Variants in PHEX observed in about 807,000 individuals in gnomAD.
PHEX encodes the protein phosphate regulating endopeptidase X-linked, also known as phosphate-regulating neutral endopeptidase PHEX.
Under a neutral mutation model 68.0 loss-of-function variants are expected in PHEX, and 16 were observed. The ratio of observed to expected loss-of-function variants is 0.24; its 90% CI spans 0.16 to 0.36. The LOEUF is 0.36. Ranked by LOEUF, PHEX falls within the 10% of genes least tolerant of loss-of-function variation. The pLI is 1.00. For missense variants in PHEX, 480 were observed against 575.5 expected (o/e 0.83, Z 1.70); for synonymous variants, 208 against 205.1 (o/e 1.01, Z -0.12).
At chrX:22,162,023 A>AT (rs1212167956) in intron 12 of PHEX, among the ~76,000 whole-genome samples, 19 of 111,945 alleles carry the variant, frequency 1.7e-4, no homozygotes, top group African/African-American at 6.2e-4. Context: ...AAAGGAACAG[A>AT]TAAGAGAAAG....
chrX:22,236,977 A>G (rs1936004423), intron 20 of PHEX, among the ~76,000 whole-genome samples: 1 of 112,498 alleles, frequency 8.9e-6, no homozygotes, highest in African/African-American at 3.2e-5. Flanking sequence ...TTTAGGGGGG[A>G]AAAGTGGAAA....
chrX:22,096,226 A>G (rs1259057759), intron 7 of PHEX, among the ~76,000 whole-genome samples: 1 of 112,510 alleles, frequency 8.9e-6, no homozygotes, highest in Non-Finnish European at 1.9e-5. Flanking sequence ...GGTCAATGGA[A>G]GTGATTAAGA....
chrX:22,247,863 A>C lies in PHEX; in HGVS notation c.2160A>C (p.Ala720=), dbSNP rs1302741330. 2.5e-6 allele frequency: 3 copies of C among 1,200,557 alleles called. No homozygotes were observed. The South Asian group carries it at 5.3e-5, about 21-fold the overall frequency. ...HSPPQFRVNG[A]ISNFEEFQKA... is the part of the protein sequence containing the mutation. ...TATCGTTTTTCAGGGTCAATGGTGC[A>C]ATTAGTAACTTTGAAGAATTCCAGA... The change falls in exon 22 of 22, where the codon GCA becomes GCC. Residue 720 remains alanine, a synonymous_variant. Transcript: ENST00000379374.
intron 1 of PHEX, among the ~76,000 whole-genome samples, chrX:22,035,844 T>A (rs1470140604): frequency 9.2e-6 from 1 of 109,048 alleles, no homozygotes; most frequent in Non-Finnish European, 1.9e-5. Context: ...ATTAAAAATA[T>A]TTTCTTTATT....
At chrX:22,063,499 C>T (rs1211104296) in intron 3 of PHEX, among the ~76,000 whole-genome samples, 1 of 112,019 alleles carries the variant, frequency 8.9e-6, no homozygotes, top group Non-Finnish European at 1.9e-5. Flanking sequence ...CAGAATGAGA[C>T]AAGTCTAGTG....
At chrX:22,054,742 A>G (rs1267134508) in intron 3 of PHEX, among the ~76,000 whole-genome samples, 1 of 111,629 alleles carries the variant, frequency 9.0e-6, no homozygotes, top group Admixed American at 9.6e-5. Context: ...TTGGGCCTGT[A>G]TTGAAGACTT....
At chrX:22,114,165 G>A (rs1931125310) in intron 10 of PHEX, among the ~76,000 whole-genome samples, 1 of 109,299 alleles carries the variant, frequency 9.1e-6, no homozygotes, top group Admixed American at 9.8e-5. Flanking sequence ...GGCCAGGCTG[G>A]TCTCGAGCTC....
chrX:22,068,000 T>A (rs760644918), intron 3 of PHEX, among the ~76,000 whole-genome samples: 124 of 107,180 alleles, frequency 1.2e-3, no homozygotes, highest in African/African-American at 4.1e-3. Flanking sequence ...GCCCAGCTAA[T>A]TTTTTTTTTG....
At chrX:22,149,858 C>T (rs1932815380) in intron 12 of PHEX, among the ~76,000 whole-genome samples, 1 of 112,576 alleles carries the variant, frequency 8.9e-6, no homozygotes, top group African/African-American at 3.2e-5. Context: ...TTCTGATTTC[C>T]ATTAAAAATG....
chrX:22,181,564 A>T (rs1174712338), intron 14 of PHEX, among the ~76,000 whole-genome samples: 1 of 111,030 alleles, frequency 9.0e-6, no homozygotes, highest in East Asian at 2.8e-4. Context: ...GCTATTCTGG[A>T]TCTTTTGTGG....
At chrX:22,223,324 G>C (rs969019881) in intron 18 of PHEX, among the ~76,000 whole-genome samples, 6 of 111,395 alleles carry the variant, frequency 5.4e-5, no homozygotes, top group Non-Finnish European at 7.5e-5. Context: ...TTTTGTTGTT[G>C]TTCCTTTTCG....
chrX:22,139,747 C>T, intron 12 of PHEX, among the ~76,000 whole-genome samples: 1 of 107,645 alleles, frequency 9.3e-6, no homozygotes. Flanking sequence ...ACTGTGTTGC[C>T]CAGGCTGGTC....
chrX:22,245,270 A>AAAAC, intron 20 of PHEX, 63 bp from the exon 21 acceptor site: 1 of 908,616 alleles, frequency 1.1e-6, no homozygotes, highest in Non-Finnish European at 1.6e-6. Flanking sequence ...TGGAGCAGTT[A>AAAAC]AAACAGCAGA....
At chrX:22,150,550 CA>C (rs1268153838) in intron 12 of PHEX, among the ~76,000 whole-genome samples, 2 of 111,982 alleles carry the variant, frequency 1.8e-5, no homozygotes, top group African/African-American at 6.5e-5. Context: ...ACTTTATTTA[CA>C]ACACCAGGCA....
chrX:22,156,173 T>C (rs1204191429), intron 12 of PHEX, among the ~76,000 whole-genome samples: 5 of 110,983 alleles, frequency 4.5e-5, no homozygotes, highest in Non-Finnish European at 7.5e-5. Context: ...GGGTTACATA[T>C]TGTCTTAAGA....
rs140475343 is a variant in PHEX, at chrX:22,230,229, C to CTTTTTTTTTT, written c.2070+2642_2070+2651dup. 1.3e-3 allele frequency among the ~76,000 whole-genome samples: 14 copies of CTTTTTTTTTT among 10,943 alleles called. 1 individual carries two copies. The highest frequency in any genetic ancestry group is 2.0e-3 in the Admixed American group (1 of 511). 9.5% of individuals were successfully genotyped at this position (10,943 alleles called of 115,157 possible). On this transcript the variant is annotated intron_variant, in intron 20 of 21. Coordinates refer to ENST00000379374, the MANE Select transcript of PHEX (RefSeq NM_000444.6). ...TAGGATTGTTTTGGCTATATGGGCT[C>CTTTTTTTTTT]TTTTTTTTTTTTTTTTTTTTTTTTT...
intron 8 of PHEX, 117 bp downstream of exon 8, chrX:22,097,155 A>G: frequency 1.8e-6 from 1 of 563,392 alleles, no homozygotes; most frequent in Non-Finnish European, 3.1e-6. Context: ...GGTTATCATC[A>G]TCTTTGTCAA....
At chrX:22,089,890 C>A (rs989774743) in intron 5 of PHEX, among the ~76,000 whole-genome samples, 1 of 111,920 alleles carries the variant, frequency 8.9e-6, no homozygotes, top group African/African-American at 3.3e-5. Flanking sequence ...TTATTTGATT[C>A]CATTCAAATA....
At chrX:22,089,857 G>A (rs764139082) in intron 5 of PHEX, among the ~76,000 whole-genome samples, 6 of 111,887 alleles carry the variant, frequency 5.4e-5, no homozygotes, top group Non-Finnish European at 9.4e-5. Context: ...TAACATTTGC[G>A]AAGGTTTCTC....
Sources: allele counts gnomAD v4.1 joint callset (sites outside exome capture counted in the v4.1 genomes callset), GRCh38; gene constraint gnomAD v4.1.1; transcripts MANE v1.5; gene names NCBI Gene and HGNC (gene_info 2026-07-23, HGNC 2026-07-21).